SEC11A: variants seen among roughly 807,000 people sequenced by gnomAD.
SEC11A encodes the protein SEC11 homolog A, signal peptidase complex subunit.
A neutral mutation model predicts 25.6 loss-of-function variants in SEC11A; 14 were observed. The ratio of observed to expected loss-of-function variants is 0.55; its 90% CI spans 0.36 to 0.85. SEC11A has a LOEUF of 0.85. Ranked by LOEUF, SEC11A falls within the 40% of genes least tolerant of loss-of-function variation. The pLI is 0.01. For missense variants in SEC11A, 153 were observed against 222.9 expected (o/e 0.69, Z 2.00); for synonymous variants, 83 against 76.4 (o/e 1.09, Z -0.45).
At chr15:84,678,871 G>A (rs1897210206) in intron 4 of SEC11A, among the ~76,000 whole-genome samples, 2 of 151,902 alleles carry the variant, frequency 1.3e-5, no homozygotes, top group African/African-American at 4.8e-5. Context: ...ACACACACCT[G>A]TAATCCCAGC....
At chr15:84,708,780 C>A (rs1468696343) in intron 1 of SEC11A, among the ~76,000 whole-genome samples, 1 of 150,870 alleles carries the variant, frequency 6.6e-6, no homozygotes, top group African/African-American at 2.4e-5. Context: ...AGAGCGAGAC[C>A]TTATCTCAGG....
intron 1 of SEC11A, among the ~76,000 whole-genome samples, chr15:84,694,809 A>C (rs1897712537): frequency 6.6e-6 from 1 of 151,884 alleles, no homozygotes; most frequent in Non-Finnish European, 1.5e-5. Context: ...ATACAAAAAA[A>C]GGCCGAGTGC....
At chr15:84,679,654 C>G (rs1415542876) in intron 4 of SEC11A, among the ~76,000 whole-genome samples, 1 of 152,166 alleles carries the variant, frequency 6.6e-6, no homozygotes, top group African/African-American at 2.4e-5. Context: ...AGAAATGTTA[C>G]GCTAGTAATT....
chr15:84,716,025 C>G lies in SEC11A; in HGVS notation c.51G>C (p.Gln17His). 1 of 1,613,424 alleles carries G rather than the reference C, an allele frequency of 6.2e-7. No individual in the cohort carries two copies. The highest frequency in any genetic ancestry group is 8.5e-7 in the Non-Finnish European group (1 of 1,179,620). ...LDDVRRMNKR[Q>H]LYYQVLNFGM... ...AGAAAAAGAGGACGGACAAGCTCAC[C>G]TGCCGCTTGTTCATCCGCCGCACAT... Residue 17 changes from glutamine to histidine, a missense_variant and splice_region_variant, in exon 1 of 6, where the codon CAG becomes CAC. Physicochemically the swap from Gln to His is conservative, Grantham distance 24 (BLOSUM62 0). Coordinates refer to ENST00000268220, the MANE Select transcript of SEC11A (RefSeq NM_014300.4).
At chr15:84,711,373 C>A (rs953184587) in intron 1 of SEC11A, among the ~76,000 whole-genome samples, 1 of 151,658 alleles carries the variant, frequency 6.6e-6, no homozygotes, top group Non-Finnish European at 1.5e-5. Flanking sequence ...CAGAGTGAGA[C>A]CCTGTCTCAA....
In SEC11A at chr15:84,679,146, T is replaced by C. The variant is rs1272806259; in HGVS notation, c.431+1567A>G. The C allele has an allele frequency of 5.2e-5, 24 of 457,426 alleles. No individual in the cohort carries two copies. In the East Asian group the frequency reaches 1.8e-3, roughly 34 times the overall value. 28.3% of individuals were successfully genotyped at this position (457,426 alleles called of 1,614,324 possible). A position where few individuals can be genotyped will look rare whatever the true frequency, so the allele number is the denominator to read the frequency against. On this transcript the variant is annotated intron_variant, in intron 4 of 5. Transcript: ENST00000268220. ...TGCTTTTTGATTATTGATATTTTCT[T>C]ATGTTTCTACATGAATCTGTACATT...
intron 1 of SEC11A, among the ~76,000 whole-genome samples, chr15:84,705,563 T>C (rs1384890245): frequency 2.6e-5 from 4 of 152,082 alleles, no homozygotes; most frequent in Non-Finnish European, 5.9e-5. Context: ...TAGCGAAATT[T>C]CTGCTTCCAG....
At chr15:84,697,998 A>C (rs1897817077) in intron 1 of SEC11A, among the ~76,000 whole-genome samples, 1 of 152,170 alleles carries the variant, frequency 6.6e-6, no homozygotes, top group South Asian at 2.1e-4. Context: ...ATTTGTGTTT[A>C]CTATTCTTTT....
intron 1 of SEC11A, chr15:84,714,843 A>G (rs1402767083): frequency 6.6e-6 from 1 of 152,188 alleles, no homozygotes; most frequent in African/African-American, 2.4e-5. Flanking sequence ...TTTCTTAACT[A>G]TCTTTGCATT....
intron 2 of SEC11A, among the ~76,000 whole-genome samples, chr15:84,688,242 T>A (rs1186596579): frequency 6.6e-6 from 1 of 152,204 alleles, no homozygotes; most frequent in African/African-American, 2.4e-5. Flanking sequence ...TCAACTCATT[T>A]AGAAGGAAAA....
At chr15:84,691,494 A>G (rs751255320) in intron 2 of SEC11A, 41 bp downstream of exon 2, 2 of 1,077,888 alleles carry the variant, frequency 1.9e-6, no homozygotes, top group Non-Finnish European at 2.8e-6. Context: ...TCTCCCAAGT[A>G]ATGCCATGCA....
chr15:84,695,233 C>T (rs979615595), intron 1 of SEC11A, among the ~76,000 whole-genome samples: 1 of 150,480 alleles, frequency 6.6e-6, no homozygotes, highest in Non-Finnish European at 1.5e-5. Context: ...GAGGCCAAGG[C>T]GAGCAGATCA....
intron 4 of SEC11A, among the ~76,000 whole-genome samples, chr15:84,678,518 T>A (rs1001687270): frequency 1.3e-5 from 2 of 152,176 alleles, no homozygotes; most frequent in African/African-American, 2.4e-5. Flanking sequence ...GTTCTATCCA[T>A]AGGATAGAGT....
intron 1 of SEC11A, chr15:84,714,949 T>C (rs1898410288): frequency 6.6e-6 from 1 of 152,086 alleles, no homozygotes; most frequent in African/African-American, 2.4e-5. Context: ...AATCCAAATA[T>C]GGATTAAAAA....
At chr15:84,693,555 T>G (rs1030754990) in intron 1 of SEC11A, among the ~76,000 whole-genome samples, 1 of 151,798 alleles carries the variant, frequency 6.6e-6, no homozygotes, top group Non-Finnish European at 1.5e-5. Flanking sequence ...CCTCCCAAGT[T>G]CAAGTGATTC....
intron 4 of SEC11A, among the ~76,000 whole-genome samples, chr15:84,680,425 G>C (rs1258259167): frequency 6.6e-6 from 1 of 152,160 alleles, no homozygotes; most frequent in Admixed American, 6.5e-5. Context: ...TATTTCTTGA[G>C]TGAACCAAAT....
intron 4 of SEC11A, chr15:84,672,831 C>T (rs1897026467): frequency 4.7e-6 from 1 of 213,500 alleles, no homozygotes; most frequent in African/African-American, 2.4e-5. Context: ...GCGTCTCTGC[C>T]TGGCCGCCCA....
At chr15:84,696,587 T>C (rs1897774096) in intron 1 of SEC11A, among the ~76,000 whole-genome samples, 1 of 151,904 alleles carries the variant, frequency 6.6e-6, no homozygotes, top group South Asian at 2.1e-4. Flanking sequence ...CCCTTGGGGG[T>C]CAGATGTGTT....
intron 1 of SEC11A, among the ~76,000 whole-genome samples, chr15:84,703,290 T>C (rs1898002123): frequency 6.6e-6 from 1 of 152,054 alleles, no homozygotes; most frequent in South Asian, 2.1e-4. Flanking sequence ...AGCCAAAAAA[T>C]AGGGCATGCA....
Sources: gnomAD v4.1 joint callset for allele counts (sites outside exome capture counted in the v4.1 genomes callset) on GRCh38, gnomAD v4.1.1 for gene constraint, MANE v1.5 for transcripts, NCBI Gene and HGNC (gene_info 2026-07-23, HGNC 2026-07-21) for gene names.